FNBP1L: variants seen among roughly 807,000 people sequenced by gnomAD.
The protein encoded by FNBP1L is formin-binding protein 1-like.
FNBP1L carries 36 observed loss-of-function variants against 91.2 expected under a neutral mutation model. The observed-to-expected ratio is 0.39, with a 90% confidence interval of 0.30 to 0.52. The LOEUF is 0.52. Ranked by LOEUF, FNBP1L falls within the 20% of genes least tolerant of loss-of-function variation. The pLI is 0.66. For synonymous variants in FNBP1L, 242 were observed against 237.0 expected (o/e 1.02, Z -0.19); for missense variants, 571 against 732.1 (o/e 0.78, Z 2.54).
chr1:93,507,418 A>G (rs1670674110), intron 2 of FNBP1L, among the ~76,000 whole-genome samples: 1 of 152,272 alleles, frequency 6.6e-6, no homozygotes, highest in South Asian at 2.1e-4. Flanking sequence ...TGAATTGTCT[A>G]AAATATTTTT....
At chr1:93,496,885 C>T (rs762936114) in intron 1 of FNBP1L, among the ~76,000 whole-genome samples, 1 of 152,060 alleles carries the variant, frequency 6.6e-6, no homozygotes, top group Non-Finnish European at 1.5e-5. Flanking sequence ...GAATAATGTT[C>T]GACCAAGTAA....
chr1:93,449,078 T>C (rs1392999576), intron 1 of FNBP1L, among the ~76,000 whole-genome samples: 2 of 152,244 alleles, frequency 1.3e-5, no homozygotes, highest in Non-Finnish European at 2.9e-5. Context: ...TTGCTTTACT[T>C]CCCTTTCCGT....
intron 2 of FNBP1L, among the ~76,000 whole-genome samples, chr1:93,504,739 T>C (rs1670550426): frequency 6.6e-6 from 1 of 152,222 alleles, no homozygotes; most frequent in Non-Finnish European, 1.5e-5. Context: ...TGTGTATCTT[T>C]GGAGAAATGT....
At chr1:93,523,167 A>G (rs746856002) in intron 3 of FNBP1L, among the ~76,000 whole-genome samples, 177 bp from the exon 4 acceptor site, 1 of 152,212 alleles carries the variant, frequency 6.6e-6, no homozygotes, top group African/African-American at 2.4e-5. Context: ...ATATACAAAC[A>G]TGTATGACTT....
At chr1:93,491,820 C>T (rs1263778677) in intron 1 of FNBP1L, among the ~76,000 whole-genome samples, 1 of 152,132 alleles carries the variant, frequency 6.6e-6, no homozygotes, top group African/African-American at 2.4e-5. Context: ...TCTACTTGTA[C>T]AGTTCTATTT....
intron 1 of FNBP1L, among the ~76,000 whole-genome samples, chr1:93,484,769 A>G (rs1270956809): frequency 6.6e-6 from 1 of 152,238 alleles, no homozygotes; most frequent in Non-Finnish European, 1.5e-5. Flanking sequence ...TTATGGTGTT[A>G]ACCCTAACTA....
At chr1:93,550,727 T>A (rs1477017370) in intron 15 of FNBP1L, among the ~76,000 whole-genome samples, 1 of 152,216 alleles carries the variant, frequency 6.6e-6, no homozygotes, top group Non-Finnish European at 1.5e-5. Context: ...GGGGGTGATG[T>A]TATCCAGCCC....
intron 10 of FNBP1L, among the ~76,000 whole-genome samples, chr1:93,539,342 G>A (rs1430818143): frequency 1.3e-5 from 2 of 151,842 alleles, no homozygotes; most frequent in African/African-American, 2.4e-5. Context: ...TAGTTTATGA[G>A]TATATAATTG....
At chr1:93,462,406 T>G (rs565137697) in intron 1 of FNBP1L, among the ~76,000 whole-genome samples, 8 of 152,194 alleles carry the variant, frequency 5.3e-5, no homozygotes, top group Non-Finnish European at 1.0e-4. Flanking sequence ...GTATGGTACA[T>G]TTGTTATAAC....
At chr1:93,543,964 TTTC>T in intron 11 of FNBP1L, 140 bp from the exon 12 acceptor site, 1 of 519,238 alleles carries the variant, frequency 1.9e-6, no homozygotes. Flanking sequence ...TCTGTGTAGA[TTTC>T]TTTTTTTTTT....
chr1:93,482,889 G>A (rs1669760244), intron 1 of FNBP1L, among the ~76,000 whole-genome samples: 4 of 151,808 alleles, frequency 2.6e-5, no homozygotes, highest in Admixed American at 2.0e-4. Context: ...GTGGTCGCGG[G>A]CGCCTGTAGT....
intron 1 of FNBP1L, among the ~76,000 whole-genome samples, chr1:93,479,055 A>T (rs562081809): frequency 1.3e-5 from 2 of 152,246 alleles, no homozygotes; most frequent in African/African-American, 4.8e-5. Context: ...CAATATTTCA[A>T]CGTAGGTTCT....
chr1:93,472,164 A>G (rs1669310114), intron 1 of FNBP1L, among the ~76,000 whole-genome samples: 1 of 152,224 alleles, frequency 6.6e-6, no homozygotes, highest in Admixed American at 6.5e-5. Flanking sequence ...TGACAGTACC[A>G]AGGTTTGAGA....
At position 93,536,377 on chromosome 1, in the gene FNBP1L, A is replaced by C; in HGVS notation, c.1036A>C (p.Thr346Pro). ...LTPTSLFTSS[T>P]PNGSQFLTFS... Reference sequence around the variant, plus strand: ...CCCTACTAGTTTATTCACATCCAGTACTCCTAATGGGTCCCAGTTTCTCAC... The same window carrying C: ...CCCTACTAGTTTATTCACATCCAGTCCTCCTAATGGGTCCCAGTTTCTCAC... Residue 346 changes from threonine (T) to proline (P), a missense_variant, in exon 10 of 17, where the codon ACT (threonine) becomes CCT (proline). This residue lies in a region of FNBP1L where 150 missense variants were observed against 155.9 expected (regional missense o/e 0.96). Coordinates refer to ENST00000271234, the MANE Select transcript of FNBP1L (RefSeq NM_001164473.3). 1 of 1,550,104 alleles carries C rather than the reference A, an allele frequency of 6.5e-7. No individual in the cohort carries two copies. The highest frequency in any genetic ancestry group is 1.4e-5 in the African/African-American group (1 of 73,032).
At chr1:93,510,871 T>G (rs940927482) in intron 2 of FNBP1L, among the ~76,000 whole-genome samples, 12 of 151,852 alleles carry the variant, frequency 7.9e-5, no homozygotes, top group African/African-American at 2.9e-4. Flanking sequence ...GAAGATGAAA[T>G]GAATGAAACG....
chr1:93,519,354 A>G (rs1671240433), intron 2 of FNBP1L, among the ~76,000 whole-genome samples: 2 of 152,158 alleles, frequency 1.3e-5, no homozygotes, highest in Admixed American at 6.5e-5. Context: ...TTTGCTCATT[A>G]GATCTTCTCT....
intron 6 of FNBP1L, 38 bp downstream of exon 6, chr1:93,529,794 T>C: frequency 8.2e-7 from 1 of 1,222,686 alleles, no homozygotes; most frequent in Non-Finnish European, 1.1e-6. Context: ...TGTCAAAATA[T>C]TATTATTTGC....
chr1:93,503,096 T>G (rs1454833096), intron 2 of FNBP1L, among the ~76,000 whole-genome samples: 4 of 152,148 alleles, frequency 2.6e-5, no homozygotes, highest in Non-Finnish European at 4.4e-5. Flanking sequence ...AATATTATAT[T>G]AGTCCATTCT....
At position 93,456,135 on chromosome 1, in the gene FNBP1L, T is replaced by C. The variant is rs143943148; in HGVS notation, c.24+7830T>C. On this transcript the variant is annotated intron_variant, in intron 1 of 16. Coordinates refer to ENST00000271234, the MANE Select transcript of FNBP1L (RefSeq NM_001164473.3). ...TAATGTCTGACTGCTTTTTGTAATG[T>C]GGGAGTCAGCATTTAGAATCTGTAT... 3.6e-4 allele frequency among the ~76,000 whole-genome samples: 55 copies of C among 152,256 alleles called. No individual in the cohort carries two copies. In the East Asian group the frequency reaches 0.01, roughly 28 times the overall value.
Sources: gnomAD v4.1 joint callset for allele counts (sites outside exome capture counted in the v4.1 genomes callset) on GRCh38, gnomAD v4.1.1 for gene constraint, gnomAD v4.1.1 regional missense constraint, MANE v1.5 for transcripts, NCBI Gene and HGNC (gene_info 2026-07-23, HGNC 2026-07-21) for gene names.